The following IL1RAPL1 variants were observed in gnomAD, a reference collection of about 807,000 sequenced individuals.
IL1RAPL1 encodes the protein interleukin-1 receptor accessory protein-like 1.
In IL1RAPL1, 3 loss-of-function variants were observed where a neutral mutation model predicts 48.4. The ratio of observed to expected loss-of-function variants is 0.06; its 90% CI spans 0.03 to 0.16. IL1RAPL1 has a LOEUF of 0.16. IL1RAPL1 is among the 10% of genes least tolerant of loss of function. The probability of loss-of-function intolerance (pLI) is 1.00; values close to 1 mark genes in which losing one functional copy is unlikely to be tolerated. For missense variants in IL1RAPL1, 349 were observed against 530.6 expected (o/e 0.66, Z 3.36); for synonymous variants, 185 against 187.7 (o/e 0.99, Z 0.12).
chrX:29,753,581 C>G (rs1259245257), intron 6 of IL1RAPL1, among the ~76,000 whole-genome samples: 1 of 111,712 alleles, frequency 9.0e-6, no homozygotes, highest in African/African-American at 3.3e-5. Context: ...TTATAGACTT[C>G]ATGTAAATCA....
intron 6 of IL1RAPL1, among the ~76,000 whole-genome samples, chrX:29,849,541 G>A (rs1358065840): frequency 8.9e-6 from 1 of 112,073 alleles, no homozygotes; most frequent in East Asian, 2.8e-4. Flanking sequence ...TGTCAGAGGA[G>A]GGGGGACACT....
At chrX:28,834,915 A>G (rs770981449) in intron 2 of IL1RAPL1, among the ~76,000 whole-genome samples, 4 of 111,208 alleles carry the variant, frequency 3.6e-5, no homozygotes, top group Non-Finnish European at 7.6e-5. Context: ...TATCTGCATG[A>G]CACACACAAA....
chrX:29,941,594 T>C (rs1933128752), intron 8 of IL1RAPL1, 57 bp from the exon 9 acceptor site: 2 of 1,132,122 alleles, frequency 1.8e-6, no homozygotes, highest in Admixed American at 2.2e-5. Context: ...CTGAGTTTAA[T>C]TTATGATTTT....
intron 2 of IL1RAPL1, among the ~76,000 whole-genome samples, chrX:29,010,037 C>T (rs1926086585): frequency 8.9e-6 from 1 of 111,737 alleles, no homozygotes; most frequent in South Asian, 3.7e-4. Context: ...GGATTGCATT[C>T]TTGATTTGGC....
At chrX:29,523,092 C>T (rs1935518704) in intron 5 of IL1RAPL1, among the ~76,000 whole-genome samples, 1 of 111,489 alleles carries the variant, frequency 9.0e-6, no homozygotes, top group Non-Finnish European at 1.9e-5. Flanking sequence ...CATTCTTATC[C>T]TACTTTTGTC....
chrX:29,733,002 G>A (rs772692560), intron 6 of IL1RAPL1, among the ~76,000 whole-genome samples: 1 of 110,541 alleles, frequency 9.0e-6, no homozygotes, highest in South Asian at 3.9e-4. Context: ...CCTCTTTCTG[G>A]AGCAAGGTGG....
chrX:29,197,589 C>T (rs1930469366), intron 2 of IL1RAPL1, among the ~76,000 whole-genome samples: 1 of 111,480 alleles, frequency 9.0e-6, no homozygotes, highest in African/African-American at 3.3e-5. Context: ...TATTATAGGG[C>T]ATGTGAGTGA....
chrX:29,903,976 A>G (rs1932555442), intron 6 of IL1RAPL1, among the ~76,000 whole-genome samples: 4 of 112,383 alleles, frequency 3.6e-5, no homozygotes, highest in Admixed American at 2.8e-4. Flanking sequence ...TCCCTAGGCC[A>G]TAGCTTAAAT....
At chrX:29,183,354 C>T (rs1346225359) in intron 2 of IL1RAPL1, among the ~76,000 whole-genome samples, 4 of 111,741 alleles carry the variant, frequency 3.6e-5, no homozygotes, top group Non-Finnish European at 7.5e-5. Context: ...AAACTTGCAT[C>T]CCTCCAATCC....
At chrX:29,406,388 CAA>C (rs5901920) in intron 5 of IL1RAPL1, among the ~76,000 whole-genome samples, 13 of 94,449 alleles carry the variant, frequency 1.4e-4, no homozygotes, top group Non-Finnish European at 2.3e-4. Context: ...GACTCTGTCT[CAA>C]AAAAAAAAAA....
intron 2 of IL1RAPL1, among the ~76,000 whole-genome samples, chrX:28,847,590 C>T (rs1049317071): frequency 5.4e-5 from 6 of 111,068 alleles, no homozygotes; most frequent in African/African-American, 2.0e-4. Flanking sequence ...TTGCTCGACT[C>T]CAGGGCACAA....
In IL1RAPL1 at chrX:28,865,180, G is replaced by T. The variant is rs186580287; in HGVS notation, c.82+75755G>T. ...AGGCCAGATGCAGTGGCTCATGCCTGTAATCCCAGCACTTTGGGAGGTCAA... is the reference window on the plus strand; with the variant it reads ...AGGCCAGATGCAGTGGCTCATGCCTTTAATCCCAGCACTTTGGGAGGTCAA... On this transcript the variant is annotated intron_variant, in intron 2 of 10. Coordinates refer to ENST00000378993, the MANE Select transcript of IL1RAPL1 (RefSeq NM_014271.4). Among the ~76,000 whole-genome samples, 5 of 112,092 alleles carry T rather than the reference G, an allele frequency of 4.5e-5. No individual in the cohort carries two copies. In the Admixed American group the frequency reaches 4.7e-4, roughly 11 times the overall value.
chrX:29,229,450 G>A (rs1931152224), intron 2 of IL1RAPL1, among the ~76,000 whole-genome samples: 1 of 110,788 alleles, frequency 9.0e-6, no homozygotes, highest in Admixed American at 9.6e-5. Flanking sequence ...TAGTACCTGT[G>A]ATTTGTCTAA....
chrX:29,440,625 A>G (rs1934538059), intron 5 of IL1RAPL1, among the ~76,000 whole-genome samples: 1 of 112,382 alleles, frequency 8.9e-6, no homozygotes. Flanking sequence ...GTTTGCAAGC[A>G]TTCAGGAGAA....
intron 1 of IL1RAPL1, among the ~76,000 whole-genome samples, chrX:28,666,444 T>C (rs1215135014): frequency 8.9e-6 from 1 of 111,905 alleles, no homozygotes; most frequent in Non-Finnish European, 1.9e-5. Flanking sequence ...AGAAGAAAGA[T>C]GAATTGCATT....
At chrX:29,488,966 G>A (rs1935127333) in intron 5 of IL1RAPL1, among the ~76,000 whole-genome samples, 1 of 111,234 alleles carries the variant, frequency 9.0e-6, no homozygotes, top group African/African-American at 3.3e-5. Flanking sequence ...TCAGAGTCTT[G>A]ATTAGATGAC....
At chrX:28,661,329 A>G (rs1163492686) in intron 1 of IL1RAPL1, among the ~76,000 whole-genome samples, 1 of 111,995 alleles carries the variant, frequency 8.9e-6, no homozygotes, top group African/African-American at 3.2e-5. Context: ...TAGCATTTCT[A>G]TGAAAACGTC....
At chrX:28,924,205 G>C (rs988454677) in intron 2 of IL1RAPL1, 13 of 112,165 alleles carry the variant, frequency 1.2e-4, no homozygotes. Context: ...AATGGAGTTA[G>C]TCTACATGAT....
intron 3 of IL1RAPL1, among the ~76,000 whole-genome samples, chrX:29,393,802 T>C (rs1265757784): frequency 9.1e-6 from 1 of 110,341 alleles, no homozygotes; most frequent in Non-Finnish European, 1.9e-5. Context: ...TATTTGAATG[T>C]GCCCTAAAAT....
Sources: gnomAD v4.1 joint callset for allele counts (sites outside exome capture counted in the v4.1 genomes callset) on GRCh38, gnomAD v4.1.1 for gene constraint, MANE v1.5 for transcripts, NCBI Gene and HGNC (gene_info 2026-07-23, HGNC 2026-07-21) for gene names.